The following PRKCB variants were observed in gnomAD, a reference collection of about 807,000 sequenced individuals.
PRKCB encodes protein kinase C beta type.
A neutral mutation model predicts 81.5 loss-of-function variants in PRKCB; 13 were observed. The ratio of observed to expected loss-of-function variants is 0.16; its 90% confidence interval spans 0.10 to 0.25. The LOEUF (loss-of-function observed/expected upper bound fraction) is 0.25. Ranked by LOEUF, PRKCB falls within the 10% of genes least tolerant of loss-of-function variation. PRKCB has a pLI of 1.00. For missense variants in PRKCB, 509 were observed against 875.7 expected, an observed-to-expected ratio of 0.58 and a Z score of 5.29; for synonymous variants, 335 against 321.4, an observed-to-expected ratio of 1.04 and a Z score of -0.45.
At chr16:23,991,578 A>G (rs1362277570) in intron 3 of PRKCB, among the ~76,000 whole-genome samples, 1 of 152,190 alleles carries the variant, frequency 6.6e-6, no homozygotes, top group Non-Finnish European at 1.5e-5. Flanking sequence ...CTCAGCTCAA[A>G]CTGACTTATA....
intron 2 of PRKCB, among the ~76,000 whole-genome samples, chr16:23,876,731 A>AATG (rs386384478): frequency 6.6e-6 from 1 of 151,350 alleles, no homozygotes; most frequent in Admixed American, 6.6e-5. Flanking sequence ...GAGTTGAACT[A>AATG]ATTTAAGGAC....
chr16:24,156,930 G>T (rs1967170050), intron 10 of PRKCB, among the ~76,000 whole-genome samples: 1 of 152,224 alleles, frequency 6.6e-6, no homozygotes. Context: ...CCAGCATAGA[G>T]GCTGAGCAGC....
chr16:24,094,107 T>A (rs1966410172), intron 6 of PRKCB, 56 bp from the exon 7 acceptor site: 2 of 1,575,496 alleles, frequency 1.3e-6, no homozygotes, highest in Non-Finnish European at 1.7e-6. Context: ...GTACATTTAT[T>A]CTGCTTGAGA....
chr16:23,991,841 A>G (rs749572473), intron 3 of PRKCB, among the ~76,000 whole-genome samples: 6 of 152,234 alleles, frequency 3.9e-5, no homozygotes, highest in East Asian at 1.9e-4. Context: ...TCATTAGACC[A>G]TGAATCACAT....
At chr16:24,169,404 C>T (rs1967403394) in intron 10 of PRKCB, among the ~76,000 whole-genome samples, 1 of 152,108 alleles carries the variant, frequency 6.6e-6, no homozygotes, top group African/African-American at 2.4e-5. Flanking sequence ...GAGTGAGACC[C>T]CGAACCTTTG....
intron 3 of PRKCB, among the ~76,000 whole-genome samples, chr16:23,991,773 C>A (rs985686389): frequency 1.3e-4 from 20 of 152,206 alleles, no homozygotes; most frequent in Admixed American, 1.0e-3. Context: ...ATGGTGGCTG[C>A]AACACCTTTA....
At chr16:24,006,282 A>G (rs1965119485) in intron 3 of PRKCB, among the ~76,000 whole-genome samples, 1 of 152,218 alleles carries the variant, frequency 6.6e-6, no homozygotes, top group Non-Finnish European at 1.5e-5. Context: ...CAGAGGTTAC[A>G]CTGTCATCAA....
intron 2 of PRKCB, among the ~76,000 whole-genome samples, chr16:23,914,005 T>G (rs907171092): frequency 6.6e-6 from 1 of 151,478 alleles, no homozygotes; most frequent in Admixed American, 6.6e-5. Context: ...CAAGCTGTGT[T>G]TTTTTTTTCT....
intron 16 of PRKCB, chr16:24,191,431 A>T: frequency 1.0e-4 from 50 of 490,760 alleles, no homozygotes; most frequent in Middle Eastern, 5.1e-4. Context: ...CTCTATAAAG[A>T]TGGAAACGAC....
intron 2 of PRKCB, among the ~76,000 whole-genome samples, chr16:23,861,666 C>A (rs1164693106): frequency 6.6e-6 from 1 of 152,078 alleles, no homozygotes; most frequent in Non-Finnish European, 1.5e-5. Context: ...ACTCACAGGG[C>A]AAAGCAGGAA....
At chr16:24,179,019 T>G (rs1025824270) in intron 12 of PRKCB, among the ~76,000 whole-genome samples, 1 of 152,212 alleles carries the variant, frequency 6.6e-6, no homozygotes, top group Admixed American at 6.5e-5. Context: ...TTCTCTATAT[T>G]AGATTGCTTC....
chr16:24,122,714 C>A (rs945711655), intron 8 of PRKCB, among the ~76,000 whole-genome samples: 1 of 150,028 alleles, frequency 6.7e-6, no homozygotes, highest in Non-Finnish European at 1.5e-5. Flanking sequence ...CCTGTCTCAG[C>A]ATCAAAAAGT....
Position 24,215,078 on chromosome 16 carries a change from T to G in PRKCB, c.*262T>G, listed in dbSNP as rs1387215881. The G allele has an allele frequency of 8.3e-7, 1 of 1,210,330 alleles. No homozygotes were observed. Among genetic ancestry groups the G allele is most frequent in the Non-Finnish European group, 1.0e-6 (1 of 965,184 alleles). The allele number at this position is 1,210,330 out of a possible 1,614,324, so 75.0% of individuals were successfully genotyped here. On this transcript the variant is annotated 3_prime_UTR_variant, in exon 17 of 17. Coordinates refer to ENST00000643927, the MANE Select transcript of PRKCB (RefSeq NM_002738.7). ...CTCTTACAATTTATTTTCCGCAGCA[T>G]GTCAGCTAAGTAGACCCAATGGGGA...
intron 16 of PRKCB, among the ~76,000 whole-genome samples, chr16:24,195,202 G>GAAAAAA (rs35292926): frequency 6.9e-6 from 1 of 144,208 alleles, no homozygotes; most frequent in Non-Finnish European, 1.5e-5. Context: ...CCCTGTCTCA[G>GAAAAAA]AAAAAAAAAA....
At chr16:23,902,728 T>TCCTCCCTCCCCCCCTC (rs1482776399) in intron 2 of PRKCB, among the ~76,000 whole-genome samples, 9 of 20,340 alleles carry the variant, frequency 4.4e-4, no homozygotes, top group Non-Finnish European at 6.7e-4. Context: ...CTCCCTCCCT[T>TCCTCCCTCCCCCCCTC]CCTCCCTTCC....
In PRKCB at chr16:23,945,500, C is replaced by T. The variant is rs3785389; in HGVS notation, c.206-43008C>T. ...AGGGATGGGAGGTTGTGTGTGTCCA[C>T]GATAGGGGCCCAATAAGTACTGGCT... On this transcript the variant is annotated intron_variant, in intron 2 of 16. Transcript: ENST00000643927. 9.9e-5 allele frequency among the ~76,000 whole-genome samples: 15 copies of T among 152,226 alleles called. No individual in the cohort carries two copies. In the East Asian group the frequency reaches 1.5e-3, roughly 16 times the overall value.
chr16:24,065,778 A>T (rs1039425710), intron 5 of PRKCB, among the ~76,000 whole-genome samples: 1 of 152,180 alleles, frequency 6.6e-6, no homozygotes, highest in African/African-American at 2.4e-5. Flanking sequence ...GGAGTCTGAG[A>T]CAGGAGGATT....
intron 2 of PRKCB, among the ~76,000 whole-genome samples, chr16:23,972,544 C>T (rs1475073741): frequency 1.3e-5 from 2 of 152,116 alleles, no homozygotes; most frequent in African/African-American, 2.4e-5. Flanking sequence ...AGGTTTTCCC[C>T]TTCACTGTCT....
intron 2 of PRKCB, among the ~76,000 whole-genome samples, chr16:23,849,474 T>C (rs958663774): frequency 1.3e-5 from 2 of 152,220 alleles, no homozygotes; most frequent in African/African-American, 4.8e-5. Context: ...GTGCTGCAAA[T>C]GAAGATTTGA....
Sources: allele counts gnomAD v4.1 joint callset (sites outside exome capture counted in the v4.1 genomes callset), GRCh38; gene constraint gnomAD v4.1.1; transcripts MANE v1.5; gene names NCBI Gene and HGNC (gene_info 2026-07-23, HGNC 2026-07-21).